Variants in RGPD4 observed in about 807,000 individuals in gnomAD.
RGPD4 encodes ranBP2-like and GRIP domain-containing protein 4.
RGPD4 carries 84 observed loss-of-function variants against 141.1 expected under a neutral mutation model. The ratio of observed to expected loss-of-function variants is 0.60; its 90% CI spans 0.50 to 0.71. The LOEUF (loss-of-function observed/expected upper bound fraction) is 0.71, where lower values mean the gene tolerates loss of function less well. RGPD4 is among the 30% of genes least tolerant of loss of function. The probability of loss-of-function intolerance (pLI) is 0.00; values close to 1 mark genes in which losing one functional copy is unlikely to be tolerated. For synonymous variants in RGPD4, 298 were observed against 566.8 expected, an observed-to-expected ratio of 0.53 and a Z score of 6.74; for missense variants, 918 against 1,622.4, an observed-to-expected ratio of 0.57 and a Z score of 7.46.
chr2:107,867,338 T>C (rs1267323211), intron 18 of RGPD4, among the ~76,000 whole-genome samples: 1 of 152,186 alleles, frequency 6.6e-6, no homozygotes, highest in Non-Finnish European at 1.5e-5. Context: ...AGCACATTTG[T>C]GTGATGGTCC....
chr2:107,865,302 C>A (rs3954144), intron 17 of RGPD4, among the ~76,000 whole-genome samples: 1 of 152,290 alleles, frequency 6.6e-6, no homozygotes, highest in East Asian at 1.9e-4. Context: ...ATAATAAATT[C>A]TCTGCAGCTA....
At chr2:107,870,666 C>T (rs1259584816) in intron 19 of RGPD4, 39 bp from the exon 20 acceptor site, 1 of 1,478,126 alleles carries the variant, frequency 6.8e-7, no homozygotes, top group Non-Finnish European at 9.3e-7. Flanking sequence ...CTATTTTGGG[C>T]ATGTGGATCA....
intron 17 of RGPD4, among the ~76,000 whole-genome samples, chr2:107,865,665 T>C (rs984775257): frequency 2.0e-5 from 3 of 152,096 alleles, no homozygotes; most frequent in African/African-American, 7.3e-5. Context: ...ATGAATTAAG[T>C]TTTGTATTAA....
At chr2:107,856,215 G>T (rs1404080281) in intron 8 of RGPD4, among the ~76,000 whole-genome samples, 1 of 128,880 alleles carries the variant, frequency 7.8e-6, no homozygotes, top group Non-Finnish European at 1.6e-5. Context: ...CACCAGGGCC[G>T]GCTAATTTTT....
rs776859142 is a variant in RGPD4 at position 107,872,683 on chromosome 2, T to A, written c.4679T>A (p.Phe1560Tyr). Residue 1560 changes from phenylalanine to tyrosine, a missense_variant, in exon 20 of 23, where the codon TTT becomes TAT. Physicochemically the swap from Phe to Tyr is conservative, Grantham distance 22 (BLOSUM62 3). Coordinates refer to ENST00000408999, the MANE Select transcript of RGPD4 (RefSeq NM_182588.3). ...FSSEKSKPFA[F>Y]GNSSATGSLF... ...AGTGAAAAATCAAAACCATTTGCATTTGGCAACAGTTCTGCCACTGGGTCT... is the reference window on the plus strand; with the variant it reads ...AGTGAAAAATCAAAACCATTTGCATATGGCAACAGTTCTGCCACTGGGTCT... The A allele has an allele frequency of 1.9e-5, 31 of 1,611,166 alleles. No homozygotes were observed. In the South Asian group the frequency reaches 3.3e-4, roughly 17 times the overall value.
chr2:107,880,996 T>A (rs1333398687), intron 21 of RGPD4, among the ~76,000 whole-genome samples: 2 of 151,840 alleles, frequency 1.3e-5, no homozygotes, highest in Admixed American at 1.3e-4. Flanking sequence ...ATCTCATCAC[T>A]GGTTAAGAGA....
intron 6 of RGPD4, among the ~76,000 whole-genome samples, chr2:107,844,830 G>GTTTTTTTTTTT (rs1222283120): frequency 5.3e-4 from 14 of 26,174 alleles, no homozygotes; most frequent in African/African-American, 8.8e-4. Context: ...TTTCTTTTTT[G>GTTTTTTTTTTT]TTTTTTTTTT....
In RGPD4 at chr2:107,870,862, G is replaced by A. The variant is rs773804045; in HGVS notation, c.2858G>A (p.Ser953Asn). The A allele has an allele frequency of 1.9e-6, 3 of 1,610,642 alleles. No homozygotes were observed. Among genetic ancestry groups the A allele is most frequent in the East Asian group, 2.2e-5 (1 of 44,866 alleles). Residue 953 changes from serine (S) to asparagine (N), a missense_variant, in exon 20 of 23, where the codon AGT becomes AAT. Physicochemically the swap from Ser to Asn is conservative, Grantham distance 46. Coordinates refer to ENST00000408999, the MANE Select transcript of RGPD4 (RefSeq NM_182588.3). ...NDTGFQAQDISGQKNGRGVIF... is the reference protein window; with the variant it reads ...NDTGFQAQDINGQKNGRGVIF... ...ACTGGCTTCCAGGCTCAGGATATTA[G>A]TGGCCAGAAGAATGGCCGTGGTGTG...
At position 107,826,945 on chromosome 2, in the gene RGPD4, T is replaced by C; in HGVS notation, c.-69T>C. The C allele has an allele frequency of 1.5e-5, 23 of 1,552,826 alleles. No individual in the cohort carries two copies. The highest frequency in any genetic ancestry group is 1.9e-5 in the Non-Finnish European group (22 of 1,148,862). ...TCAGTGGCTTTCAGGCGCTTTCCTG[T>C]TGGAATTGGCGACTGCTGCGGGGCT... On this transcript the variant is annotated 5_prime_UTR_variant, in exon 1 of 23. Transcript: ENST00000408999.
Position 107,872,849 on chromosome 2 carries a change from T to G in RGPD4, c.4845T>G (p.Asp1615Glu), listed in dbSNP as rs771224860. Reference protein sequence around the residue: ...SKNSDIEQSSDSKVKNLSASF... With the variant: ...SKNSDIEQSSESKVKNLSASF... ...ACTCTGATATCGAACAGTCTTCAGATAGCAAAGTCAAAAATCTCTCTGCTT... is the reference window on the plus strand; with the variant it reads ...ACTCTGATATCGAACAGTCTTCAGAGAGCAAAGTCAAAAATCTCTCTGCTT... Residue 1615 changes from aspartate to glutamate, a missense_variant, in exon 20 of 23, where the codon GAT becomes GAG. Coordinates refer to ENST00000408999, the MANE Select transcript of RGPD4 (RefSeq NM_182588.3). The G allele has an allele frequency of 1.7e-5, 28 of 1,603,082 alleles. No individual in the cohort carries two copies. The highest frequency in any genetic ancestry group is 2.0e-5 in the Non-Finnish European group (24 of 1,176,906).
rs568860054 is a variant in RGPD4, at chr2:107,857,207, G to A, written c.1276+238G>A. ...TGCTGGAGTGCAGTGGTGCGATCTC[G>A]GCTCACTGTAACCTCTGCCTCCCGG... On this transcript the variant is annotated intron_variant, in intron 9 of 22. Coordinates refer to ENST00000408999, the MANE Select transcript of RGPD4 (RefSeq NM_182588.3). Among the ~76,000 whole-genome samples, 840 of 150,642 alleles carry A rather than the reference G, an allele frequency of 5.6e-3. 5 individuals carry two copies. Among genetic ancestry groups the A allele is most frequent in the South Asian group, 8.6e-3 (41 of 4,752 alleles).
intron 17 of RGPD4, among the ~76,000 whole-genome samples, chr2:107,863,553 T>G (rs1160836022): frequency 4.6e-5 from 7 of 150,894 alleles, no homozygotes; most frequent in Non-Finnish European, 1.5e-5. Flanking sequence ...AGTGCAGTGG[T>G]GCAATCTTGG....
At chr2:107,865,845 G>C (rs1682709833) in intron 17 of RGPD4, among the ~76,000 whole-genome samples, 1 of 145,260 alleles carries the variant, frequency 6.9e-6, no homozygotes, top group Non-Finnish European at 1.5e-5. Context: ...CTGAGGTGGT[G>C]GATCACTTGA....
chr2:107,863,739 C>T (rs1393224915), intron 17 of RGPD4, among the ~76,000 whole-genome samples: 9 of 151,716 alleles, frequency 5.9e-5, no homozygotes, highest in African/African-American at 1.2e-4. Flanking sequence ...GCGATCTGCC[C>T]GCCTTGGCCT....
chr2:107,830,541 C>CT (rs199601746), intron 1 of RGPD4, among the ~76,000 whole-genome samples: 7 of 151,940 alleles, frequency 4.6e-5, no homozygotes, highest in Non-Finnish European at 8.8e-5. Flanking sequence ...CACTTAGAGT[C>CT]TTTTTTTTCC....
chr2:107,871,769 G>A lies in RGPD4; in HGVS notation c.3765G>A (p.Arg1255=), dbSNP rs745553746. The A allele has an allele frequency of 6.8e-6, 11 of 1,611,388 alleles. No individual in the cohort carries two copies. The East Asian group carries it at 1.1e-4, about 16-fold the overall frequency. The part of the protein sequence containing the change: ...PTLEWDNCDL[R]EDALDDSVSS... The stretch of plus-strand genomic sequence containing the variant: ...TAGAATGGGATAACTGTGATTTAAG[G>A]GAAGATGCTTTGGATGATAGTGTCA... Residue 1255 remains arginine (R), a synonymous_variant, in exon 20 of 23, where the codon AGG becomes AGA. Transcript: ENST00000408999.
chr2:107,885,188 A>C lies in RGPD4; in HGVS notation c.5266+2315A>C, dbSNP rs866096276. ...ATTTATTCTAACAAAAGTAAACCTA[A>C]TTTTATAGTTATAAAAAAGAAGAAA... On this transcript the variant is annotated intron_variant, in intron 22 of 22. Transcript: ENST00000408999. Among the ~76,000 whole-genome samples the C allele has an allele frequency of 3.9e-3, 596 of 152,124 alleles. 1 individual carries two copies. The highest frequency in any genetic ancestry group is 0.01 in the Middle Eastern group (3 of 294).
chr2:107,859,978 T>G lies in RGPD4; in HGVS notation c.1758+133T>G, dbSNP rs1682484898. ...TTATGACAGATGTGTTTTTTATTGC[T>G]GCAAAATAGTTAATGTAGTTAAATA... On this transcript the variant is annotated intron_variant, in intron 12 of 22. Transcript: ENST00000408999. The G allele has an allele frequency of 1.0e-5, 11 of 1,058,280 alleles. No individual in the cohort carries two copies. In the East Asian group the frequency reaches 2.9e-4, roughly 28 times the overall value. The allele number at this position is 1,058,280 out of a possible 1,614,324, so 65.6% of individuals were successfully genotyped here.
At chr2:107,858,156 AAGT>A (rs1325255488) in intron 9 of RGPD4, among the ~76,000 whole-genome samples, 2 of 152,042 alleles carry the variant, frequency 1.3e-5, no homozygotes, top group East Asian at 1.9e-4. Context: ...CTTTTTTATG[AAGT>A]AGTCATAATT....
Sources: gnomAD v4.1 joint callset for allele counts (sites outside exome capture counted in the v4.1 genomes callset) on GRCh38, gnomAD v4.1.1 for gene constraint, MANE v1.5 for transcripts, NCBI Gene and HGNC (gene_info 2026-07-23, HGNC 2026-07-21) for gene names.